Variants in SLC25A21 observed in about 807,000 individuals in gnomAD.
SLC25A21 encodes solute carrier family 25 member 21.
Under a neutral mutation model 43.8 loss-of-function variants are expected in SLC25A21, and 47 were observed. The observed-to-expected ratio is 1.07, with a 90% CI of 0.85 to 1.37. The LOEUF is 1.37. Ranked by LOEUF, SLC25A21 falls within the 40% of genes most tolerant of loss-of-function variation. SLC25A21 has a pLI of 0.00. For missense variants in SLC25A21, 352 were observed against 350.2 expected (o/e 1.00, Z -0.04); for synonymous variants, 131 against 121.3 (o/e 1.08, Z -0.52).
At chr14:37,008,351 T>C (rs558495941) in intron 1 of SLC25A21, among the ~76,000 whole-genome samples, 4 of 152,202 alleles carry the variant, frequency 2.6e-5, no homozygotes, top group Non-Finnish European at 5.9e-5. Flanking sequence ...CAACTATCTT[T>C]ATCCAGATTT....
intron 1 of SLC25A21, among the ~76,000 whole-genome samples, chr14:37,167,124 G>C (rs1386346698): frequency 6.6e-6 from 1 of 152,200 alleles, no homozygotes; most frequent in Non-Finnish European, 1.5e-5. Context: ...AAATGTGTAG[G>C]AGAGGGTTGA....
intron 3 of SLC25A21, among the ~76,000 whole-genome samples, chr14:36,741,202 T>C (rs1263451340): frequency 2.0e-5 from 3 of 152,022 alleles, no homozygotes; most frequent in African/African-American, 7.3e-5. Flanking sequence ...TACCATAGAG[T>C]TGAACTCCTC....
intron 3 of SLC25A21, among the ~76,000 whole-genome samples, chr14:36,784,085 C>T (rs764808406): frequency 3.3e-5 from 5 of 152,132 alleles, no homozygotes; most frequent in African/African-American, 9.7e-5. Flanking sequence ...TTACCCAGGT[C>T]GTCAGGTATT....
chr14:36,853,442 G>T (rs369300041), intron 2 of SLC25A21, among the ~76,000 whole-genome samples: 2 of 152,074 alleles, frequency 1.3e-5, no homozygotes, highest in Admixed American at 1.3e-4. Flanking sequence ...TTTTTAATCT[G>T]AGCATTTGTT....
intron 1 of SLC25A21, among the ~76,000 whole-genome samples, chr14:37,020,221 A>T (rs1020066525): frequency 1.3e-5 from 2 of 151,934 alleles, no homozygotes; most frequent in African/African-American, 4.8e-5. Flanking sequence ...ATAATAAAAA[A>T]AGTTTGAGGA....
chr14:36,898,684 A>C (rs1891318721), intron 1 of SLC25A21, among the ~76,000 whole-genome samples: 1 of 152,052 alleles, frequency 6.6e-6, no homozygotes, highest in South Asian at 2.1e-4. Flanking sequence ...TCCATCCCCC[A>C]ATCTCACTTA....
chr14:36,985,692 ATT>A (rs1960131405), intron 1 of SLC25A21, among the ~76,000 whole-genome samples: 1 of 152,146 alleles, frequency 6.6e-6, no homozygotes, highest in Admixed American at 6.6e-5. Flanking sequence ...TCTTCATTTA[ATT>A]AATTCCTGCT....
intron 1 of SLC25A21, among the ~76,000 whole-genome samples, chr14:36,977,519 A>G (rs1487798809): frequency 1.3e-5 from 2 of 152,208 alleles, no homozygotes; most frequent in South Asian, 2.1e-4. Context: ...CTCTGGAATC[A>G]CTGCCATGGC....
intron 1 of SLC25A21, among the ~76,000 whole-genome samples, chr14:36,961,923 AT>A (rs1415709364): frequency 4.6e-5 from 7 of 152,074 alleles, no homozygotes; most frequent in African/African-American, 1.7e-4. Flanking sequence ...ATAATTTCCC[AT>A]AAAAACCATG....
intron 1 of SLC25A21, among the ~76,000 whole-genome samples, chr14:37,037,443 G>A (rs950266317): frequency 3.9e-5 from 6 of 152,054 alleles, no homozygotes; most frequent in Non-Finnish European, 7.4e-5. Context: ...TCCTCTACAC[G>A]AGAAAAGCTT....
At position 36,751,260 on chromosome 14, in the gene SLC25A21, A is replaced by G. The variant is rs17105217; in HGVS notation, c.204-16687T>C. On this transcript the variant is annotated intron_variant, in intron 3 of 9. Coordinates refer to ENST00000331299, the MANE Select transcript of SLC25A21 (RefSeq NM_030631.4). ...GAGGATACTTCTCTCTCATTCTGCTAAGACTCATGCACTTTGCAGAACAGG... is the reference window on the plus strand; with the variant it reads ...GAGGATACTTCTCTCTCATTCTGCTGAGACTCATGCACTTTGCAGAACAGG... 8.8e-4 allele frequency among the ~76,000 whole-genome samples: 134 copies of G among 152,330 alleles called. 2 individuals are homozygous for G. In the East Asian group the frequency reaches 0.025, roughly 29 times the overall value.
chr14:36,992,730 C>T (rs1009411529), intron 1 of SLC25A21, among the ~76,000 whole-genome samples: 2 of 152,104 alleles, frequency 1.3e-5, no homozygotes, highest in African/African-American at 4.8e-5. Flanking sequence ...TAATTTGTTA[C>T]AGGCAAGACA....
intron 6 of SLC25A21, among the ~76,000 whole-genome samples, chr14:36,716,426 A>G (rs1223225984): frequency 6.6e-6 from 1 of 152,176 alleles, no homozygotes; most frequent in Non-Finnish European, 1.5e-5. Flanking sequence ...CCACACACAA[A>G]AATAGTCACT....
intron 2 of SLC25A21, among the ~76,000 whole-genome samples, chr14:36,851,579 GGAGA>G: frequency 6.6e-6 from 1 of 152,198 alleles, no homozygotes; most frequent in Non-Finnish European, 1.5e-5. Flanking sequence ...CCAGGTGTTG[GGAGA>G]ATTAATCAAT....
intron 9 of SLC25A21, among the ~76,000 whole-genome samples, chr14:36,683,262 G>A (rs868555926): frequency 3.9e-5 from 6 of 152,306 alleles, no homozygotes; most frequent in Admixed American, 6.5e-5. Flanking sequence ...GTGGGTAGGC[G>A]TCCTGAAGTG....
intron 1 of SLC25A21, among the ~76,000 whole-genome samples, chr14:36,905,401 T>C (rs1233630196): frequency 6.6e-6 from 1 of 152,210 alleles, no homozygotes; most frequent in Non-Finnish European, 1.5e-5. Context: ...TGAAACTGTG[T>C]AAGCTAGATT....
At chr14:36,693,404 G>C (rs908564440) in intron 7 of SLC25A21, among the ~76,000 whole-genome samples, 2 of 152,140 alleles carry the variant, frequency 1.3e-5, no homozygotes, top group African/African-American at 4.8e-5. Flanking sequence ...CAGGCAGGGA[G>C]GGGAAGCTAG....
intron 1 of SLC25A21, among the ~76,000 whole-genome samples, chr14:36,981,272 C>T (rs1960015217): frequency 1.3e-5 from 2 of 152,186 alleles, no homozygotes; most frequent in South Asian, 4.1e-4. Flanking sequence ...CTGTGGAAGA[C>T]AGCGTGGCGA....
intron 1 of SLC25A21, among the ~76,000 whole-genome samples, chr14:37,090,690 CTGAGTTCTTTCCTTTCAA>C (rs1962568282): frequency 6.6e-6 from 1 of 152,188 alleles, no homozygotes; most frequent in East Asian, 1.9e-4. Flanking sequence ...TACTTAAAAA[CTGAGTTCTTTCCTTTCAA>C]TTAAGAGAAA....
Sources: gnomAD v4.1 joint callset for allele counts (sites outside exome capture counted in the v4.1 genomes callset) on GRCh38, gnomAD v4.1.1 for gene constraint, MANE v1.5 for transcripts, NCBI Gene and HGNC (gene_info 2026-07-23, HGNC 2026-07-21) for gene names.